The following TECR variants were observed in gnomAD, a reference collection of about 807,000 sequenced individuals.
TECR encodes very-long-chain enoyl-CoA reductase.
In TECR, 19 loss-of-function variants were observed where a neutral mutation model predicts 50.6. The ratio of observed to expected loss-of-function variants is 0.38; its 90% CI spans 0.26 to 0.55. The LOEUF is 0.55. Among genes scored for constraint, TECR ranks in the 20% least tolerant of loss-of-function variants. TECR has a pLI of 0.79. For synonymous variants in TECR, 168 were observed against 163.5 expected, an observed-to-expected ratio of 1.03 and a Z score of -0.21; for missense variants, 313 against 408.3, an observed-to-expected ratio of 0.77 and a Z score of 2.01.
rs975918396 is a variant in TECR at position 14,562,457 on chromosome 19, A to G, written c.16-68A>G. On this transcript the variant is annotated intron_variant, in intron 1 of 12. Coordinates refer to ENST00000215567, the MANE Select transcript of TECR (RefSeq NM_138501.6). ...ACCCCAGGCCTCCTCCCTGGCCTCA[A>G]TGGGCTCCCCAGGCCCACACCCCCA... The G allele has an allele frequency of 1.1e-5, 17 of 1,596,790 alleles. No homozygotes were observed. In the African/African-American group the frequency reaches 2.0e-4, roughly 19 times the overall value.
At chr19:14,535,432 G>C (rs558972861) in intron 1 of TECR, among the ~76,000 whole-genome samples, 24 of 138,006 alleles carry the variant, frequency 1.7e-4, no homozygotes, top group Middle Eastern at 3.8e-3. Flanking sequence ...GGCTTGACCC[G>C]GGAGGCGGAG....
intron 1 of TECR, chr19:14,530,401 A>G (rs752155648): frequency 6.6e-6 from 1 of 152,380 alleles, no homozygotes; most frequent in Non-Finnish European, 1.5e-5. Flanking sequence ...TTATCGCCCT[A>G]GGTGATAATA....
chr19:14,530,810 T>A (rs2072614941), intron 1 of TECR: 1 of 152,210 alleles, frequency 6.6e-6, no homozygotes, highest in Admixed American at 6.5e-5. Context: ...ATCTTGACTA[T>A]TTTTAAGTGT....
chr19:14,550,003 CCCTTT>C (rs140880890), intron 1 of TECR, among the ~76,000 whole-genome samples: 3,176 of 152,024 alleles, frequency 0.021, 45 homozygotes, highest in Non-Finnish European at 0.023. Flanking sequence ...ACTCCCTGTC[CCCTTT>C]CCTTTCTTTC....
intron 1 of TECR, among the ~76,000 whole-genome samples, chr19:14,543,419 A>ATTTTTTTTTTT (rs1169742953): frequency 4.6e-5 from 1 of 21,890 alleles, no homozygotes; most frequent in Non-Finnish European, 7.3e-5. Flanking sequence ...ATATATATAT[A>ATTTTTTTTTTT]TTTTTTTTTT....
chr19:14,562,617 G>A (rs2073936159), intron 2 of TECR, 42 bp downstream of exon 2: 1 of 1,610,922 alleles, frequency 6.2e-7, no homozygotes, highest in Non-Finnish European at 8.5e-7. Context: ...AGGGCACTGG[G>A]CCCGGGACCC....
At chr19:14,528,454 G>T (rs1325944951), upstream of TECR, among the ~76,000 whole-genome samples, 3 of 150,624 alleles carry the variant, frequency 2.0e-5, no homozygotes, top group South Asian at 2.1e-4. Flanking sequence ...CTGCCAGGCT[G>T]GTCTCGAACT....
chr19:14,550,934 A>T lies in TECR; in HGVS notation c.16-11591A>T, dbSNP rs1389963069. 2.6e-5 allele frequency among the ~76,000 whole-genome samples: 4 copies of T among 152,122 alleles called. No homozygotes were observed. The East Asian group carries it at 7.7e-4, about 29-fold the overall frequency. ...TGATCTGCCCACCTTGGCCTCCCAG[A>T]GTACTGGGATTACAGGCATGAACTA... On this transcript the variant is annotated intron_variant, in intron 1 of 12. Transcript: ENST00000215567.
rs746920276 is a variant in TECR, at chr19:14,563,288, G to T, written c.118+31G>T. On this transcript the variant is annotated intron_variant, in intron 3 of 12. Coordinates refer to ENST00000215567, the MANE Select transcript of TECR (RefSeq NM_138501.6). The surrounding 1 kb of genome is among the most constrained non-coding windows in gnomAD (Gnocchi z 5.3). Reference sequence around the variant, plus strand: ...TTCTAGTCCCGGCCACACTGCCCCTGCAACCCCTTTGACCAGGGACCTTAG... The same window carrying T: ...TTCTAGTCCCGGCCACACTGCCCCTTCAACCCCTTTGACCAGGGACCTTAG... 6.3e-7 allele frequency: 1 copy of T among 1,589,412 alleles called. No individual in the cohort carries two copies. Among genetic ancestry groups the T allele is most frequent in the Non-Finnish European group, 8.6e-7 (1 of 1,157,560 alleles).
Position 14,563,136 on chromosome 19 carries a change from T to C in TECR, c.67-70T>C. 6.3e-7 allele frequency: 1 copy of C among 1,594,230 alleles called. No homozygotes were observed. Among genetic ancestry groups the C allele is most frequent in the Non-Finnish European group, 8.6e-7 (1 of 1,166,880 alleles). ...GCCCAACCCCCAGCCTGCCATCCCC[T>C]TTAGTACCTCCCCATCCTGAGTCTG... On this transcript the variant is annotated intron_variant, in intron 2 of 12. Coordinates refer to ENST00000215567, the MANE Select transcript of TECR (RefSeq NM_138501.6). This position sits in a 1 kb window ranked among gnomAD's most constrained non-coding sequence, Gnocchi z 5.3.
At chr19:14,533,596 G>A (rs1025289368) in intron 1 of TECR, among the ~76,000 whole-genome samples, 1 of 152,108 alleles carries the variant, frequency 6.6e-6, no homozygotes, top group Non-Finnish European at 1.5e-5. Flanking sequence ...TGACTGTCAC[G>A]CAACAAATTA....
intron 1 of TECR, among the ~76,000 whole-genome samples, chr19:14,542,347 G>GGTTTTTTTTTTT (rs2073124658): frequency 9.5e-4 from 41 of 43,300 alleles, no homozygotes; most frequent in Admixed American, 2.8e-3. Flanking sequence ...ATGCCATAGT[G>GGTTTTTTTTTTT]TTTTTTTTTT....
chr19:14,548,149 A>C (rs2073368756), intron 1 of TECR, among the ~76,000 whole-genome samples: 1 of 151,300 alleles, frequency 6.6e-6, no homozygotes, highest in African/African-American at 2.4e-5. Context: ...TTTTTTGTAG[A>C]GATGGGGTTT....
chr19:14,553,305 G>A (rs1470950413), intron 1 of TECR, among the ~76,000 whole-genome samples: 2 of 152,172 alleles, frequency 1.3e-5, no homozygotes, highest in African/African-American at 2.4e-5. Flanking sequence ...CATTGGCATT[G>A]AGACCCTGGC....
chr19:14,564,337 C>G (rs760824022), intron 7 of TECR, 50 bp downstream of exon 7: 61 of 1,408,618 alleles, frequency 4.3e-5, no homozygotes, highest in Admixed American at 6.0e-5. Flanking sequence ...TCTGCCCCAC[C>G]CCGCCCCGCC....
In TECR at chr19:14,565,829, C is replaced by T. The variant is rs761989260; in HGVS notation, c.885C>T (p.Asp295=). 3.1e-6 allele frequency: 5 copies of T among 1,598,236 alleles called. No homozygotes were observed. Among genetic ancestry groups the T allele is most frequent in the South Asian group, 1.1e-5 (1 of 89,468 alleles). ...KHRSYLKEFR[D]YPPLRMPIIP... is the part of the protein sequence containing the mutation. ...GCAGCTACCTGAAGGAGTTCCGGGA[C>T]TACCCGCCCCTGCGCATGCCCATCA... Residue 295 remains aspartate (D), a synonymous_variant, in exon 13 of 13, where the codon GAC becomes GAT. Coordinates refer to ENST00000215567, the MANE Select transcript of TECR (RefSeq NM_138501.6).
chr19:14,529,809 G>C, intron 1 of TECR, 98 bp downstream of exon 1: 6 of 1,570,644 alleles, frequency 3.8e-6, no homozygotes, highest in Non-Finnish European at 5.2e-6. Context: ...CCTGTGCCCC[G>C]AAGGAAGAGC....
intron 1 of TECR, among the ~76,000 whole-genome samples, chr19:14,535,572 ATATATATATATATATATGTATG>A (rs1438517472): frequency 6.3e-4 from 20 of 31,764 alleles, no homozygotes; most frequent in South Asian, 1.6e-3. Context: ...ATATATATAT[ATATATATATATATATATGTATG>A]TATATATAAA....
At chr19:14,529,336 G>A, upstream of TECR, 1 of 450,206 alleles carries the variant, frequency 2.2e-6, no homozygotes. Flanking sequence ...GACGCCATCA[G>A]GGGGCGTGGC....
Sources: allele counts gnomAD v4.1 joint callset (sites outside exome capture counted in the v4.1 genomes callset), GRCh38; gene constraint gnomAD v4.1.1; non-coding constraint Gnocchi (gnomAD v3.1); transcripts MANE v1.5; gene names NCBI Gene and HGNC (gene_info 2026-07-23, HGNC 2026-07-21).